Variants in DEPDC5 observed in about 807,000 individuals in gnomAD.
The protein encoded by DEPDC5 is DEP domain containing 5, GATOR1 subcomplex subunit.
A neutral mutation model predicts 217.3 loss-of-function variants in DEPDC5; 73 were observed. The observed-to-expected ratio is 0.34, with a 90% CI of 0.28 to 0.41. The LOEUF is 0.41. Ranked by LOEUF, DEPDC5 falls within the 10% of genes least tolerant of loss-of-function variation. The pLI, the probability that DEPDC5 is intolerant of heterozygous loss-of-function variation, is 1.00. For synonymous variants in DEPDC5, 733 were observed against 756.7 expected (o/e 0.97, Z 0.51); for missense variants, 1,675 against 2,070.1 (o/e 0.81, Z 3.70).
At position 31,857,547 on chromosome 22, in the gene DEPDC5, A is replaced by G; in HGVS notation, c.3258A>G (p.Pro1086=). The change falls in exon 32 of 43, where the codon CCA becomes CCG. Residue 1086 remains proline, a synonymous_variant. Coordinates refer to ENST00000651528, the MANE Select transcript of DEPDC5 (RefSeq NM_001242896.3). ...TGACTCCCACCTACATGGACAGCCC[A>G]CGAAAGGTAAAGGAAGCCGCGGTAG... is the stretch of plus-strand genomic sequence containing the variant. ...VAMTPTYMDS[P]RKDGAFFMEF... is the part of the protein sequence containing the mutation. 1 of 1,610,282 alleles carries G rather than the reference A, an allele frequency of 6.2e-7. No individual in the cohort carries two copies. Among genetic ancestry groups the G allele is most frequent in the Non-Finnish European group, 8.5e-7 (1 of 1,178,364 alleles).
At chr22:31,757,573 T>C (rs2082039207) in intron 2 of DEPDC5, 1 of 152,220 alleles carries the variant, frequency 6.6e-6, no homozygotes, top group Admixed American at 6.5e-5. Flanking sequence ...GGTCTGATTA[T>C]ATTTGAAATC....
At chr22:31,857,359 A>G (rs1243112642) in intron 31 of DEPDC5, 86 bp from the exon 32 acceptor site, 2 of 1,113,098 alleles carry the variant, frequency 1.8e-6, no homozygotes, top group South Asian at 1.5e-5. Context: ...GATGACAGCA[A>G]CAGAGCTGTC....
chr22:31,821,311 G>A (rs2089675573), intron 22 of DEPDC5, among the ~76,000 whole-genome samples, 191 bp from the exon 23 acceptor site: 4 of 152,362 alleles, frequency 2.6e-5, no homozygotes, highest in Non-Finnish European at 5.9e-5. Flanking sequence ...TGATAAAGGT[G>A]AGGCTCCTTA....
chr22:31,832,444 A>G (rs1409828375), intron 24 of DEPDC5, among the ~76,000 whole-genome samples: 2 of 151,006 alleles, frequency 1.3e-5, no homozygotes, highest in East Asian at 1.9e-4. Flanking sequence ...TCATTATTTC[A>G]TCATTCAAAT....
intron 18 of DEPDC5, among the ~76,000 whole-genome samples, chr22:31,808,988 A>G (rs1255736941): frequency 6.6e-6 from 1 of 151,516 alleles, no homozygotes; most frequent in Admixed American, 6.6e-5. Flanking sequence ...GGCTAGTCTC[A>G]AACTCCTGGG....
At chr22:31,833,743 G>C (rs1488388389) in intron 24 of DEPDC5, 172 bp from the exon 25 acceptor site, 2 of 496,052 alleles carry the variant, frequency 4.0e-6, no homozygotes, top group Non-Finnish European at 7.1e-6. Flanking sequence ...ATTTTAGATT[G>C]ATCATTTTTC....
chr22:31,869,772 C>T (rs911400703), intron 33 of DEPDC5, among the ~76,000 whole-genome samples: 2 of 151,924 alleles, frequency 1.3e-5, no homozygotes, highest in Admixed American at 6.6e-5. Context: ...TCCTGTGAGT[C>T]GGTTTTCAGT....
chr22:31,759,349 C>T (rs990223383), intron 3 of DEPDC5, among the ~76,000 whole-genome samples: 6 of 150,922 alleles, frequency 4.0e-5, no homozygotes, highest in Non-Finnish European at 5.9e-5. Context: ...GCCACCATAC[C>T]GAGCCGTTTT....
At chr22:31,901,554 A>G (rs1385870143) in intron 40 of DEPDC5, among the ~76,000 whole-genome samples, 188 bp from the exon 41 acceptor site, 2 of 152,182 alleles carry the variant, frequency 1.3e-5, no homozygotes, top group Non-Finnish European at 2.9e-5. Flanking sequence ...TGGTGTGAAC[A>G]CACAGCTGTC....
chr22:31,842,172 G>T (rs939308067), intron 27 of DEPDC5, among the ~76,000 whole-genome samples: 3 of 152,222 alleles, frequency 2.0e-5, no homozygotes, highest in African/African-American at 7.2e-5. Context: ...TACAAGGTAG[G>T]ATTCAGACTG....
chr22:31,901,273 T>C (rs2093644125), intron 40 of DEPDC5, among the ~76,000 whole-genome samples: 1 of 149,832 alleles, frequency 6.7e-6, no homozygotes, highest in Non-Finnish European at 1.5e-5. Context: ...TAGTTGGCCA[T>C]AGTGGTGCAT....
At chr22:31,805,553 T>C (rs1385771737) in intron 17 of DEPDC5, among the ~76,000 whole-genome samples, 1 of 151,496 alleles carries the variant, frequency 6.6e-6, no homozygotes. Flanking sequence ...CAGGCTGGAG[T>C]GCAGTGACAT....
At chr22:31,833,870 G>T in intron 24 of DEPDC5, 45 bp from the exon 25 acceptor site, 1 of 1,456,100 alleles carries the variant, frequency 6.9e-7, no homozygotes, top group African/African-American at 1.4e-5. Context: ...GAACTCTTTT[G>T]CAGAGTGAGC....
At chr22:31,780,757 T>C (rs1003071017) in intron 8 of DEPDC5, among the ~76,000 whole-genome samples, 1 of 152,232 alleles carries the variant, frequency 6.6e-6, no homozygotes, top group Admixed American at 6.5e-5. Flanking sequence ...CACACTGCAG[T>C]AGGTGCGCTT....
At chr22:31,770,232 C>CAA (rs548291549) in intron 7 of DEPDC5, among the ~76,000 whole-genome samples, 1 of 126,392 alleles carries the variant, frequency 7.9e-6, no homozygotes, top group African/African-American at 2.9e-5. Context: ...GAGACTGTCT[C>CAA]AAAAAAAAAA....
At position 31,861,371 on chromosome 22, in the gene DEPDC5, G is replaced by A. The variant is rs1490171877; in HGVS notation, c.3268G>A (p.Gly1090Arg). The A allele has an allele frequency of 4.5e-6, 7 of 1,551,342 alleles. No homozygotes were observed. Among genetic ancestry groups the A allele is most frequent in the Admixed American group, 2.0e-5 (1 of 50,966 alleles). ...CTTCCTCCTCCTGTGACTTCAGGAC[G>A]GGGCCTTCTTTATGGAGTTTGTCCG... ...PTYMDSPRKD[G>R]AFFMEFVRSP... The change falls in exon 33 of 43, where the codon GGG becomes AGG. Residue 1090 changes from glycine (G) to arginine (R), a missense_variant. This residue lies in a region of DEPDC5 where 126 missense variants were observed against 113.8 expected (regional missense o/e 1.11). Transcript: ENST00000651528.
Position 31,843,364 on chromosome 22 carries a change from G to C in DEPDC5, c.2633+152G>C, listed in dbSNP as rs969114008. 4.7e-6 allele frequency: 4 copies of C among 847,990 alleles called. No individual in the cohort carries two copies. In the East Asian group the frequency reaches 1.0e-4, roughly 22 times the overall value. The allele number at this position is 847,990 out of a possible 1,614,324, so 52.5% of individuals were successfully genotyped here. On this transcript the variant is annotated intron_variant, in intron 28 of 42. Coordinates refer to ENST00000651528, the MANE Select transcript of DEPDC5 (RefSeq NM_001242896.3). Reference sequence around the variant, plus strand: ...TTGTTTGTTTCTAGGGTTATTTTAGGGTTATAGCTTACCTACTTCCAAAAG... The same window carrying C: ...TTGTTTGTTTCTAGGGTTATTTTAGCGTTATAGCTTACCTACTTCCAAAAG...
At chr22:31,794,128 C>T (rs1395578128) in intron 12 of DEPDC5, among the ~76,000 whole-genome samples, 1 of 152,112 alleles carries the variant, frequency 6.6e-6, no homozygotes, top group Admixed American at 6.6e-5. Flanking sequence ...AGTTCAGAGT[C>T]GATGCTTTTT....
intron 38 of DEPDC5, chr22:31,891,271 G>A (rs184344782): frequency 2.5e-5 from 13 of 516,270 alleles, no homozygotes; most frequent in Non-Finnish European, 3.6e-6. Context: ...ACCTCTTAAT[G>A]CAAAAGCAAA....
Sources: allele counts gnomAD v4.1 joint callset (sites outside exome capture counted in the v4.1 genomes callset), GRCh38; gene constraint gnomAD v4.1.1; regional missense constraint gnomAD v4.1.1; transcripts MANE v1.5; gene names NCBI Gene and HGNC (gene_info 2026-07-23, HGNC 2026-07-21).